Variants in PCDH15 observed in about 807,000 individuals in gnomAD.
PCDH15 encodes the protein protocadherin-15.
PCDH15 carries 129 observed loss-of-function variants against 178.5 expected under a neutral mutation model. The observed-to-expected ratio is 0.72, with a 90% CI of 0.63 to 0.84. PCDH15 has a LOEUF of 0.84. PCDH15 is among the 40% of genes least tolerant of loss of function. The pLI is 0.00. For synonymous variants in PCDH15, 800 were observed against 732.0 expected (o/e 1.09, Z -1.50); for missense variants, 2,230 against 2,099.9 (o/e 1.06, Z -1.21).
chr10:54,078,956 C>A (rs1282494021), intron 17 of PCDH15, among the ~76,000 whole-genome samples: 1 of 152,088 alleles, frequency 6.6e-6, no homozygotes, highest in African/African-American at 2.4e-5. Context: ...TCCTCCCTGA[C>A]CCTTAAAAAA....
At position 55,478,605 on chromosome 10, in the gene PCDH15, ACAAAC is replaced by A. The variant is rs554359712; in HGVS notation, c.-156+149015_-156+149019del. Among the ~76,000 whole-genome samples, 5 of 151,518 alleles carry A rather than the reference ACAAAC, an allele frequency of 3.3e-5. No homozygotes were observed. The East Asian group carries it at 9.7e-4, about 29-fold the overall frequency. On this transcript the variant is annotated intron_variant, in intron 2 of 5. Transcript: ENST00000613346. Reference sequence around the variant, plus strand: ...ACCTCAAGAACCTAGAAAAACAACAACAAACCAAACACAAAATTAGGAGAAGGAAA... The same window carrying A: ...ACCTCAAGAACCTAGAAAAACAACAACAAACACAAAATTAGGAGAAGGAAA...
At chr10:55,233,782 A>T (rs1352998888) in intron 1 of PCDH15, among the ~76,000 whole-genome samples, 4 of 152,252 alleles carry the variant, frequency 2.6e-5, no homozygotes, top group African/African-American at 9.6e-5. Context: ...GATAAAAGCA[A>T]CATAATTATT....
At chr10:54,111,869 G>A (rs1785086454) in intron 15 of PCDH15, among the ~76,000 whole-genome samples, 1 of 151,468 alleles carries the variant, frequency 6.6e-6, no homozygotes, top group Non-Finnish European at 1.5e-5. Context: ...GCTCACGCCT[G>A]TAGTCCCAGC....
At chr10:53,965,377 A>C (rs1352640648) in intron 21 of PCDH15, among the ~76,000 whole-genome samples, 1 of 152,150 alleles carries the variant, frequency 6.6e-6, no homozygotes, top group Non-Finnish European at 1.5e-5. Flanking sequence ...ATATTTTTAA[A>C]ATAATAAAAT....
Position 54,076,799 on chromosome 10 carries a change from G to T in PCDH15, c.2091+2532C>A, listed in dbSNP as rs540912522. Among the ~76,000 whole-genome samples, 6 of 152,122 alleles carry T rather than the reference G, an allele frequency of 3.9e-5. No homozygotes were observed. The East Asian group carries it at 1.2e-3, about 29-fold the overall frequency. On this transcript the variant is annotated intron_variant, in intron 17 of 37. Coordinates refer to ENST00000644397, the MANE Select transcript of PCDH15 (RefSeq NM_001384140.1). ...TCTCCATCATCCCCATTTTGAGATG[G>T]TAGAAAACGTGTATTCTCATGATCA...
chr10:53,872,358 A>C (rs1424651981), intron 26 of PCDH15, among the ~76,000 whole-genome samples: 2 of 152,216 alleles, frequency 1.3e-5, no homozygotes, highest in African/African-American at 4.8e-5. Context: ...TTTATATATT[A>C]AACTTTCATG....
At chr10:54,683,681 G>A (rs1434960347) in intron 1 of PCDH15, among the ~76,000 whole-genome samples, 1 of 152,054 alleles carries the variant, frequency 6.6e-6, no homozygotes, top group East Asian at 1.9e-4. Flanking sequence ...AAACATTAGA[G>A]GCAAGACTAG....
chr10:54,698,934 G>A (rs79004393), intron 1 of PCDH15, among the ~76,000 whole-genome samples: 3,014 of 152,152 alleles, frequency 0.02, 89 homozygotes, highest in African/African-American at 0.067. Context: ...TCCTCAAGAA[G>A]GGTTCCTTGA....
At chr10:54,521,143 C>G (rs1263485451) in intron 3 of PCDH15, among the ~76,000 whole-genome samples, 2 of 151,784 alleles carry the variant, frequency 1.3e-5, no homozygotes, top group African/African-American at 2.4e-5. Context: ...AGTACACCAA[C>G]ATGGCACATG....
At chr10:54,613,349 TTCAATAAA>T (rs1183668514) in intron 2 of PCDH15, among the ~76,000 whole-genome samples, 3 of 152,038 alleles carry the variant, frequency 2.0e-5, no homozygotes, top group Admixed American at 2.0e-4. Flanking sequence ...GTTCAGGAAG[TTCAATAAA>T]TCATATTTGC....
chr10:54,459,201 T>A (rs1328954120), intron 3 of PCDH15, among the ~76,000 whole-genome samples: 1 of 152,096 alleles, frequency 6.6e-6, no homozygotes, highest in East Asian at 1.9e-4. Flanking sequence ...TGTTCCCACC[T>A]TGTACCCTGA....
chr10:55,579,847 T>TG (rs1842571561), intron 2 of PCDH15, among the ~76,000 whole-genome samples: 1 of 151,970 alleles, frequency 6.6e-6, no homozygotes, highest in African/African-American at 2.4e-5. Context: ...TGTTTTTTGT[T>TG]GTTTTTGTTT....
chr10:54,756,572 T>G (rs1454981288), intron 1 of PCDH15, among the ~76,000 whole-genome samples: 3 of 152,152 alleles, frequency 2.0e-5, no homozygotes, highest in Non-Finnish European at 2.9e-5. Context: ...AAAAATACAT[T>G]TAGTAGGCTT....
chr10:55,130,723 G>A (rs1857440), intron 2 of PCDH15, among the ~76,000 whole-genome samples: 142,801 of 150,442 alleles, frequency 0.95, 67,992 homozygotes, highest in Non-Finnish European at 1. Flanking sequence ...GTGTGTGTGT[G>A]TGTATATACA....
At chr10:54,267,957 G>A (rs372776284) in intron 8 of PCDH15, among the ~76,000 whole-genome samples, 2 of 151,756 alleles carry the variant, frequency 1.3e-5, no homozygotes, top group African/African-American at 2.4e-5. Context: ...CTAAAAAAGA[G>A]CCTGAATAGC....
At chr10:54,916,074 C>T (rs1207241510) in intron 2 of PCDH15, among the ~76,000 whole-genome samples, 1 of 152,048 alleles carries the variant, frequency 6.6e-6, no homozygotes, top group Non-Finnish European at 1.5e-5. Flanking sequence ...ACCTCAGCCT[C>T]CCAAAGTGCT....
At chr10:54,817,088 T>A (rs1952960307) in intron 3 of PCDH15, among the ~76,000 whole-genome samples, 1 of 152,062 alleles carries the variant, frequency 6.6e-6, no homozygotes, top group African/African-American at 2.4e-5. Flanking sequence ...TTGTTGTGGT[T>A]TACTCATTAA....
At chr10:55,458,615 C>T (rs1839604740) in intron 2 of PCDH15, among the ~76,000 whole-genome samples, 1 of 151,934 alleles carries the variant, frequency 6.6e-6, no homozygotes, top group African/African-American at 2.4e-5. Flanking sequence ...AGCATTATAG[C>T]TCTAAAATAT....
chr10:54,636,925 T>C (rs2134834763), intron 2 of PCDH15, among the ~76,000 whole-genome samples: 1 of 152,134 alleles, frequency 6.6e-6, no homozygotes, highest in African/African-American at 2.4e-5. Context: ...ATAGCCATAT[T>C]GAGACATACT....
Sources: gnomAD v4.1 joint callset for allele counts (sites outside exome capture counted in the v4.1 genomes callset) on GRCh38, gnomAD v4.1.1 for gene constraint, MANE v1.5 for transcripts, NCBI Gene and HGNC (gene_info 2026-07-23, HGNC 2026-07-21) for gene names.